The following GJC3 variants were observed in gnomAD, a reference collection of about 807,000 sequenced individuals.
GJC3 encodes the protein gap junction protein gamma 3.
Under a neutral mutation model 19.8 loss-of-function variants are expected in GJC3, and 17 were observed. The observed-to-expected ratio is 0.86, with a 90% CI of 0.59 to 1.29. The LOEUF is 1.29. Ranked by LOEUF, GJC3 falls within the 50% of genes most tolerant of loss-of-function variation. The pLI, the probability that GJC3 is intolerant of heterozygous loss-of-function variation, is 0.00. For missense variants in GJC3, 317 were observed against 332.5 expected (o/e 0.95, Z 0.36); for synonymous variants, 140 against 136.5 (o/e 1.03, Z -0.18).
chr7:99,927,410 T>G (rs759073984), intron 1 of GJC3, among the ~76,000 whole-genome samples: 2 of 152,248 alleles, frequency 1.3e-5, no homozygotes. Context: ...GCGTTTTTCC[T>G]TGGTCACTTT....
intron 1 of GJC3, among the ~76,000 whole-genome samples, chr7:99,923,953 C>T (rs190679670): frequency 3.9e-5 from 6 of 152,302 alleles, no homozygotes; most frequent in Admixed American, 3.9e-4. Context: ...AATCTCAACT[C>T]ACGTTGGGAA....
At chr7:99,930,331 A>G (rs991681698), upstream of GJC3, among the ~76,000 whole-genome samples, 1 of 152,196 alleles carries the variant, frequency 6.6e-6, no homozygotes, top group Non-Finnish European at 1.5e-5. Context: ...ACCCAGCAGA[A>G]TTTACCAGAA....
intron 1 of GJC3, among the ~76,000 whole-genome samples, chr7:99,928,446 G>A (rs972734751): frequency 6.6e-6 from 1 of 152,242 alleles, no homozygotes; most frequent in Non-Finnish European, 1.5e-5. Flanking sequence ...CTCACTGGAT[G>A]TTGGAAAGAA....
At chr7:99,927,528 A>G (rs1360963114) in intron 1 of GJC3, among the ~76,000 whole-genome samples, 1 of 152,148 alleles carries the variant, frequency 6.6e-6, no homozygotes, top group Non-Finnish European at 1.5e-5. Flanking sequence ...GGGATCCCCT[A>G]ACTTACTTGG....
chr7:99,930,284 CT>C (rs1819877428), upstream of GJC3, among the ~76,000 whole-genome samples: 1 of 152,124 alleles, frequency 6.6e-6, no homozygotes, highest in South Asian at 2.1e-4. Flanking sequence ...GCTCTTAGGC[CT>C]TACAAGCTGA....
rs749943409 is a variant in GJC3, at chr7:99,928,863, G to A, written c.758C>T (p.Thr253Ile). 3.1e-6 allele frequency: 5 copies of A among 1,614,160 alleles called. No homozygotes were observed. In the South Asian group the frequency reaches 5.5e-5, roughly 18 times the overall value. Residue 253 changes from threonine (T) to isoleucine (I), a missense_variant, in exon 1 of 2, where the codon ACC becomes ATC. Coordinates refer to ENST00000312891, the MANE Select transcript of GJC3 (RefSeq NM_181538.3). ...ACCTGCTTCTTGAAATTGCTCTTTGGTTTCCACCACTGGGAGGCTATCGGT... is the reference window on the plus strand; with the variant it reads ...ACCTGCTTCTTGAAATTGCTCTTTGATTTCCACCACTGGGAGGCTATCGGT... ...KATDSLPVVETKEQFQEAVPG... is the reference protein window; with the variant it reads ...KATDSLPVVEIKEQFQEAVPG...
At chr7:99,926,160 C>T (rs1240893140) in intron 1 of GJC3, among the ~76,000 whole-genome samples, 1 of 152,028 alleles carries the variant, frequency 6.6e-6, no homozygotes. Context: ...ATGGCAAAAC[C>T]CTGTCTCTAC....
At chr7:99,924,644 A>G (rs1198352009) in intron 1 of GJC3, among the ~76,000 whole-genome samples, 3 of 152,246 alleles carry the variant, frequency 2.0e-5, no homozygotes, top group Non-Finnish European at 4.4e-5. Context: ...ATTCTTCTGC[A>G]TGAGAAATTT....
At chr7:99,930,578 C>A (rs968874465), upstream of GJC3, among the ~76,000 whole-genome samples, 1 of 152,218 alleles carries the variant, frequency 6.6e-6, no homozygotes, top group Admixed American at 6.5e-5. Flanking sequence ...CAATGCCCAG[C>A]AGCTGTTTCA....
Position 99,929,261 on chromosome 7 carries a change from C to T in GJC3, c.360G>A (p.Glu120=). 1.2e-6 allele frequency: 2 copies of T among 1,614,196 alleles called. No homozygotes were observed. Among genetic ancestry groups the T allele is most frequent in the East Asian group, 2.2e-5 (1 of 44,882 alleles). ...KEEETLIQGR[E]GNTDVPGAGS... ...CAGCCCCTGGGACATCTGTGTTGCC[C>T]TCCCGTCCCTGGATCAGGGTCTCCT... The change falls in exon 1 of 2, where the codon GAG becomes GAA. Residue 120 remains glutamate, a synonymous_variant. Coordinates refer to ENST00000312891, the MANE Select transcript of GJC3 (RefSeq NM_181538.3).
intron 1 of GJC3, among the ~76,000 whole-genome samples, chr7:99,928,179 G>A (rs545339356): frequency 6.6e-6 from 1 of 152,240 alleles, no homozygotes. Flanking sequence ...AAGCCAGTGA[G>A]ACAGGAAGGG....
rs764663231 is a variant in GJC3, at chr7:99,929,347, T to C, written c.274A>G (p.Met92Val). The change falls in exon 1 of 2, where the codon ATG becomes GTG. Residue 92 changes from methionine to valine, a missense_variant. By Grantham distance (21) the Met-to-Val change is conservative. Coordinates refer to ENST00000312891, the MANE Select transcript of GJC3 (RefSeq NM_181538.3). The stretch of plus-strand genomic sequence containing the variant: ...ATCACGTGATACAGAGTGAAACCCA[T>C]ATAGAGGGCGCTGGGTACAGCCACC... ...ILVAVPSALYMGFTLYHVIWH... is the reference protein window; with the variant it reads ...ILVAVPSALYVGFTLYHVIWH... The C allele has an allele frequency of 2.5e-6, 4 of 1,613,986 alleles. No homozygotes were observed. Among genetic ancestry groups the C allele is most frequent in the African/African-American group, 2.7e-5 (2 of 74,978 alleles).
upstream of GJC3, chr7:99,929,718 G>A: frequency 3.3e-6 from 4 of 1,214,136 alleles, no homozygotes; most frequent in South Asian, 5.2e-5. Context: ...GATCACTGAA[G>A]GCAAGCTTTT....
At chr7:99,925,730 T>C (rs192187705) in intron 1 of GJC3, among the ~76,000 whole-genome samples, 248 of 152,314 alleles carry the variant, frequency 1.6e-3, no homozygotes, top group African/African-American at 5.7e-3. Flanking sequence ...AGGATTTGAA[T>C]AGACATTTCT....
At chr7:99,925,321 T>G (rs1044225253) in intron 1 of GJC3, among the ~76,000 whole-genome samples, 3 of 152,208 alleles carry the variant, frequency 2.0e-5, no homozygotes, top group Admixed American at 2.0e-4. Flanking sequence ...GAAATAGTGC[T>G]GAGACAATTG....
intron 1 of GJC3, among the ~76,000 whole-genome samples, chr7:99,925,854 T>A (rs1819788632): frequency 6.6e-6 from 1 of 152,188 alleles, no homozygotes; most frequent in Non-Finnish European, 1.5e-5. Context: ...CCCACTAGGA[T>A]GGCTAGAATT....
rs577110300 is a variant in GJC3 at position 99,924,500 on chromosome 7, A to G, written c.782-897T>C. Reference sequence around the variant, plus strand: ...CTATTCAGGAGGCTGAGGCAGGAGAACTGCTTGAACCTGGGAGGCAGAGAT... The same window carrying G: ...CTATTCAGGAGGCTGAGGCAGGAGAGCTGCTTGAACCTGGGAGGCAGAGAT... On this transcript the variant is annotated intron_variant, in intron 1 of 1. Coordinates refer to ENST00000312891, the MANE Select transcript of GJC3 (RefSeq NM_181538.3). 8.9e-4 allele frequency among the ~76,000 whole-genome samples: 135 copies of G among 152,298 alleles called. 3 individuals carry two copies. The South Asian group carries it at 0.027, about 31-fold the overall frequency.
chr7:99,924,400 C>T (rs899204831), intron 1 of GJC3, among the ~76,000 whole-genome samples: 3 of 152,108 alleles, frequency 2.0e-5, no homozygotes, highest in South Asian at 2.1e-4. Context: ...CCAGCTTGGC[C>T]GACATGGTGA....
chr7:99,929,180 C>T lies in GJC3; in HGVS notation c.441G>A (p.Leu147=). The T allele has an allele frequency of 6.2e-7, 1 of 1,613,940 alleles. No homozygotes were observed. The highest frequency in any genetic ancestry group is 8.5e-7 in the Non-Finnish European group (1 of 1,179,900). ...ACTGCAACCCCAGGGCTGCCCCCTCCAGGACAAGCCGAGCCCCCAGCTGAG... is the reference window on the plus strand; with the variant it reads ...ACTGCAACCCCAGGGCTGCCCCCTCTAGGACAAGCCGAGCCCCCAGCTGAG... ...YVAQLGARLV[L]EGAALGLQYH... is the part of the protein sequence containing the mutation. Residue 147 remains leucine (L), a synonymous_variant, in exon 1 of 2, where the codon CTG becomes CTA. Coordinates refer to ENST00000312891, the MANE Select transcript of GJC3 (RefSeq NM_181538.3).
Sources: allele counts gnomAD v4.1 joint callset (sites outside exome capture counted in the v4.1 genomes callset), GRCh38; gene constraint gnomAD v4.1.1; transcripts MANE v1.5; gene names NCBI Gene and HGNC (gene_info 2026-07-23, HGNC 2026-07-21).